The following FSTL5 variants were observed in gnomAD, a reference collection of about 807,000 sequenced individuals.
FSTL5 encodes the protein follistatin like 5.
A neutral mutation model predicts 89.1 loss-of-function variants in FSTL5; 62 were observed. The observed-to-expected ratio is 0.70, with a 90% CI of 0.57 to 0.86. FSTL5 has a LOEUF of 0.86. Among genes scored for constraint, FSTL5 ranks in the 40% least tolerant of loss-of-function variants. The probability of loss-of-function intolerance (pLI) is 0.00; values close to 1 mark genes in which losing one functional copy is unlikely to be tolerated. For synonymous variants in FSTL5, 383 were observed against 346.2 expected, an observed-to-expected ratio of 1.11 and a Z score of -1.18; for missense variants, 1,057 against 1,001.6, an observed-to-expected ratio of 1.06 and a Z score of -0.75.
At chr4:161,902,902 T>G (rs1579181799) in intron 4 of FSTL5, among the ~76,000 whole-genome samples, 1 of 152,260 alleles carries the variant, frequency 6.6e-6, no homozygotes, top group South Asian at 2.1e-4. Flanking sequence ...TGGGTATACT[T>G]AATTCTTGCC....
intron 1 of FSTL5, among the ~76,000 whole-genome samples, chr4:162,148,908 T>G (rs879525200): frequency 1.3e-5 from 2 of 152,168 alleles, no homozygotes; most frequent in African/African-American, 4.8e-5. Flanking sequence ...ACAGACTTAG[T>G]AGGCACCCTG....
chr4:161,579,809 G>C (rs1733370989), intron 8 of FSTL5, among the ~76,000 whole-genome samples: 2 of 150,204 alleles, frequency 1.3e-5, no homozygotes. Context: ...GCAAAACCCA[G>C]TGAGAATAAG....
intron 4 of FSTL5, among the ~76,000 whole-genome samples, chr4:161,832,448 A>G (rs1730878219): frequency 6.6e-6 from 1 of 152,174 alleles, no homozygotes; most frequent in South Asian, 2.1e-4. Flanking sequence ...TAGTTTCAGA[A>G]GGAATGGTAC....
At chr4:161,440,564 G>A (rs942255832) in intron 15 of FSTL5, among the ~76,000 whole-genome samples, 2 of 152,120 alleles carry the variant, frequency 1.3e-5, no homozygotes, top group African/African-American at 4.8e-5. Context: ...ATGTGGTTCT[G>A]TTTTGCTCTC....
intron 6 of FSTL5, among the ~76,000 whole-genome samples, chr4:161,692,912 A>G (rs1737996264): frequency 6.6e-6 from 1 of 151,894 alleles, no homozygotes. Flanking sequence ...TTAGTAGAGA[A>G]GGAGTTTCAC....
intron 7 of FSTL5, among the ~76,000 whole-genome samples, chr4:161,649,654 T>C (rs1243818419): frequency 6.6e-6 from 1 of 152,232 alleles, no homozygotes. Flanking sequence ...AAACATTGTT[T>C]GTTGTCACCA....
chr4:161,472,130 C>G (rs1019056559), intron 13 of FSTL5, among the ~76,000 whole-genome samples: 3 of 152,026 alleles, frequency 2.0e-5, no homozygotes, highest in Admixed American at 6.5e-5. Context: ...GTGCTGGCCA[C>G]CACGCCCGGC....
intron 5 of FSTL5, among the ~76,000 whole-genome samples, chr4:161,760,878 T>A (rs1740768910): frequency 6.6e-6 from 1 of 152,188 alleles, no homozygotes. Context: ...CACTCCTGTG[T>A]TGAACGTTTC....
At chr4:161,987,321 T>C (rs1287668858) in intron 3 of FSTL5, among the ~76,000 whole-genome samples, 1 of 151,946 alleles carries the variant, frequency 6.6e-6, no homozygotes, top group East Asian at 1.9e-4. Flanking sequence ...CTCAAACAAA[T>C]GTATCTCTTT....
At chr4:161,537,344 A>G (rs1435365944) in intron 10 of FSTL5, among the ~76,000 whole-genome samples, 1 of 152,170 alleles carries the variant, frequency 6.6e-6, no homozygotes, top group African/African-American at 2.4e-5. Flanking sequence ...CAAGGGGAGT[A>G]GTCATTTCAA....
In FSTL5 at chr4:161,538,368, CACAGT is replaced by C. The variant is rs1443071316; in HGVS notation, c.1178-73_1178-69del. The C allele has an allele frequency of 3.9e-6, 6 of 1,530,682 alleles. No homozygotes were observed. In the Admixed American group the frequency reaches 6.7e-5, roughly 17 times the overall value. The allele number at this position is 1,530,682 out of a possible 1,614,324, so 94.8% of individuals were successfully genotyped here. A position where few individuals can be genotyped will look rare whatever the true frequency, so the allele number is the denominator to read the frequency against. ...GTTTTGGAACAGTGCTTTCTGATTACACAGTCAAACAGTTCTCTTGGCTTGTCCTA... is the reference window on the plus strand; with the variant it reads ...GTTTTGGAACAGTGCTTTCTGATTACCAAACAGTTCTCTTGGCTTGTCCTA... On this transcript the variant is annotated intron_variant, in intron 9 of 15. Transcript: ENST00000306100.
chr4:161,410,665 T>C lies in FSTL5; in HGVS notation c.1842-24216A>G, dbSNP rs144527761. Among the ~76,000 whole-genome samples the C allele has an allele frequency of 2.0e-4, 31 of 152,192 alleles. 1 individual carries two copies. The highest frequency in any genetic ancestry group is 7.5e-4 in the African/African-American group (31 of 41,542). On this transcript the variant is annotated intron_variant, in intron 15 of 15. Coordinates refer to ENST00000306100, the MANE Select transcript of FSTL5 (RefSeq NM_020116.5). Reference sequence around the variant, plus strand: ...GAAATTAGACAGAATGAAAAAAATTTTTGAAATCAATGCAAACAGAGACAC... The same window carrying C: ...GAAATTAGACAGAATGAAAAAAATTCTTGAAATCAATGCAAACAGAGACAC...
chr4:161,526,765 G>A (rs568514054), intron 10 of FSTL5, among the ~76,000 whole-genome samples: 9 of 152,146 alleles, frequency 5.9e-5, no homozygotes, highest in East Asian at 5.8e-4. Flanking sequence ...GTAGATATGC[G>A]GTGTTATTTC....
intron 3 of FSTL5, among the ~76,000 whole-genome samples, chr4:161,952,018 A>G (rs1734909920): frequency 6.6e-6 from 1 of 152,032 alleles, no homozygotes; most frequent in South Asian, 2.1e-4. Context: ...TTACTCAGTG[A>G]TGGTAATGAA....
chr4:161,690,131 T>C (rs1161741291), intron 6 of FSTL5, among the ~76,000 whole-genome samples: 1 of 152,114 alleles, frequency 6.6e-6, no homozygotes, highest in Non-Finnish European at 1.5e-5. Flanking sequence ...TTTAATTCTG[T>C]GGAGTAGAAG....
intron 4 of FSTL5, among the ~76,000 whole-genome samples, chr4:161,848,497 A>G (rs1243143367): frequency 1.3e-5 from 2 of 152,208 alleles, no homozygotes; most frequent in South Asian, 2.1e-4. Context: ...TGCTTAAAGA[A>G]TTCTTAATAT....
At chr4:161,468,506 T>C (rs1172114297) in intron 13 of FSTL5, among the ~76,000 whole-genome samples, 1 of 152,152 alleles carries the variant, frequency 6.6e-6, no homozygotes, top group African/African-American at 2.4e-5. Context: ...TTCCTCAGGT[T>C]AGTTGAGAAT....
chr4:161,507,084 G>C (rs1178081840), intron 11 of FSTL5, among the ~76,000 whole-genome samples: 2 of 151,860 alleles, frequency 1.3e-5, no homozygotes. Context: ...TAATTCATGT[G>C]CCAATAAATT....
chr4:162,067,381 T>G (rs1738955257), intron 2 of FSTL5, among the ~76,000 whole-genome samples: 1 of 152,098 alleles, frequency 6.6e-6, no homozygotes, highest in South Asian at 2.1e-4. Context: ...TGTTGAGTTT[T>G]AAAAGATGGG....
Sources: allele counts gnomAD v4.1 joint callset (sites outside exome capture counted in the v4.1 genomes callset), GRCh38; gene constraint gnomAD v4.1.1; transcripts MANE v1.5; gene names NCBI Gene and HGNC (gene_info 2026-07-23, HGNC 2026-07-21).